Variants in KLHL30 observed in about 807,000 individuals in gnomAD.
The protein encoded by KLHL30 is kelch like family member 30.
KLHL30 carries 55 observed loss-of-function variants against 55.0 expected under a neutral mutation model. That is an observed-to-expected ratio of 1.00 (90% confidence interval 0.80 to 1.25). The LOEUF (loss-of-function observed/expected upper bound fraction) is 1.25, where lower values mean the gene tolerates loss of function less well. Ranked by LOEUF, KLHL30 falls within the 50% of genes most tolerant of loss-of-function variation. The pLI is 0.00. For synonymous variants in KLHL30, 356 were observed against 372.6 expected (o/e 0.96, Z 0.51); for missense variants, 786 against 811.6 (o/e 0.97, Z 0.38).
chr2:238,145,344 G>T (rs1692627976), intron 4 of KLHL30, among the ~76,000 whole-genome samples: 1 of 152,092 alleles, frequency 6.6e-6, no homozygotes, highest in Admixed American at 6.5e-5. Context: ...GGTTGACCAG[G>T]TGTCTGTCTT....
At position 238,151,417 on chromosome 2, in the gene KLHL30, CAGCAGGGGCTTTTGG is replaced by C; in HGVS notation, c.*358_*372del. The C allele has an allele frequency of 2.8e-6, 1 of 356,326 alleles. No homozygotes were observed. Among genetic ancestry groups the C allele is most frequent in the Admixed American group, 4.3e-5 (1 of 23,248 alleles). 22.1% of individuals were successfully genotyped at this position (356,326 alleles called of 1,614,324 possible). A position where few individuals can be genotyped will look rare whatever the true frequency, so the allele number is the denominator to read the frequency against. ...GAGCCCCACTCCTGCCCCTGGACCC[CAGCAGGGGCTTTTGG>C]AGCAGTTGCATGAATGTGGGGTGAA... On this transcript the variant is annotated 3_prime_UTR_variant, in exon 8 of 8. Transcript: ENST00000409223.
chr2:238,141,762 G>T (rs1373759945), intron 2 of KLHL30, among the ~76,000 whole-genome samples: 1 of 152,258 alleles, frequency 6.6e-6, no homozygotes, highest in Non-Finnish European at 1.5e-5. Flanking sequence ...ATGTGGAAGT[G>T]GTAAGATCTG....
At chr2:238,140,117 CCTT>C (rs762091292) in intron 1 of KLHL30, among the ~76,000 whole-genome samples, 23 of 152,352 alleles carry the variant, frequency 1.5e-4, no homozygotes, top group Admixed American at 2.6e-4. Context: ...GTGACTGAAA[CCTT>C]CTGTGCCTCA....
chr2:238,152,157 C>G lies in KLHL30; in HGVS notation c.*1092C>G. 1 of 985,456 alleles carries G rather than the reference C, an allele frequency of 1.0e-6. No individual in the cohort carries two copies. Among genetic ancestry groups the G allele is most frequent in the Non-Finnish European group, 1.2e-6 (1 of 829,984 alleles). 61.0% of individuals were successfully genotyped at this position (985,456 alleles called of 1,614,324 possible). A position where few individuals can be genotyped will look rare whatever the true frequency, so the allele number is the denominator to read the frequency against. ...GCCAGGCACAGGCCCTGGTGTTGCCCCAGAGGCCCTGGGCAGCTCCGGTCT... is the reference window on the plus strand; with the variant it reads ...GCCAGGCACAGGCCCTGGTGTTGCCGCAGAGGCCCTGGGCAGCTCCGGTCT... On this transcript the variant is annotated 3_prime_UTR_variant, in exon 8 of 8. Transcript: ENST00000409223.
In KLHL30 at chr2:238,151,947, T is replaced by G. The variant is rs1186077358; in HGVS notation, c.*882T>G. On this transcript the variant is annotated 3_prime_UTR_variant, in exon 8 of 8. Transcript: ENST00000409223. ...TGAGGGGTAGCATCCGATGGGCCCC[T>G]GCCAGCATGCAGCCCGACTCCGGCT... 1 of 985,370 alleles carries G rather than the reference T, an allele frequency of 1.0e-6. No homozygotes were observed. The highest frequency in any genetic ancestry group is 1.7e-5 in the African/African-American group (1 of 57,236). 61.0% of individuals were successfully genotyped at this position (985,370 alleles called of 1,614,324 possible). A position where few individuals can be genotyped will look rare whatever the true frequency, so the allele number is the denominator to read the frequency against.
rs1692767718 is a variant in KLHL30 at position 238,152,156 on chromosome 2, C to T, written c.*1091C>T. On this transcript the variant is annotated 3_prime_UTR_variant, in exon 8 of 8. Transcript: ENST00000409223. ...GGCCAGGCACAGGCCCTGGTGTTGC[C>T]CCAGAGGCCCTGGGCAGCTCCGGTC... is the stretch of plus-strand genomic sequence containing the variant. 1.0e-5 allele frequency: 10 copies of T among 985,460 alleles called. No individual in the cohort carries two copies. The South Asian group carries it at 2.8e-4, about 28-fold the overall frequency. 61.0% of individuals were successfully genotyped at this position (985,460 alleles called of 1,614,324 possible).
At position 238,141,396 on chromosome 2, in the gene KLHL30, C is replaced by T. The variant is rs1367326287; in HGVS notation, c.642C>T (p.His214=). The T allele has an allele frequency of 6.9e-6, 11 of 1,585,444 alleles. No individual in the cohort carries two copies. Among genetic ancestry groups the T allele is most frequent in the Non-Finnish European group, 8.5e-7 (1 of 1,171,704 alleles). The change falls in exon 2 of 8, where the codon CAC becomes CAT. Residue 214 remains histidine (H), a synonymous_variant. Coordinates refer to ENST00000409223, the MANE Select transcript of KLHL30 (RefSeq NM_198582.4). ...ATGACCCGCAGGCCCGGGCCGCCCA[C>T]CTGCCCGAGCTGCTCAGCCTAGTGC... ...VRHDPQARAA[H]LPELLSLVHL... is the part of the protein sequence containing the mutation.
intron 7 of KLHL30, among the ~76,000 whole-genome samples, chr2:238,150,499 AGCCTCAGTGAG>A (rs1692734006): frequency 6.6e-6 from 1 of 152,180 alleles, no homozygotes. Context: ...GAGACAGCGA[AGCCTCAGTGAG>A]GCCTCGAGTC....
rs1200369408 is a variant in KLHL30 at position 238,140,854 on chromosome 2, G to T, written c.100G>T (p.Asp34Tyr). The change falls in exon 2 of 8, where the codon GAC becomes TAC. Residue 34 changes from aspartate (D) to tyrosine (Y), a missense_variant. Transcript: ENST00000409223. ...CCTGCGCTCTCAGCCCAAGCTGGCCGACGTCACACTGCTGGTGGGCGGCCG... is the reference window on the plus strand; with the variant it reads ...CCTGCGCTCTCAGCCCAAGCTGGCCTACGTCACACTGCTGGTGGGCGGCCG... ...QRLRSQPKLA[D>Y]VTLLVGGREL... The T allele has an allele frequency of 1.9e-6, 3 of 1,610,638 alleles. No homozygotes were observed. The highest frequency in any genetic ancestry group is 2.5e-6 in the Non-Finnish European group (3 of 1,178,426).
chr2:238,145,378 T>C (rs908476821), intron 4 of KLHL30, among the ~76,000 whole-genome samples: 2 of 152,158 alleles, frequency 1.3e-5, no homozygotes, highest in African/African-American at 4.8e-5. Context: ...AGTCGTGTGT[T>C]GCAGGGGTCA....
In KLHL30 at chr2:238,142,825, G is replaced by A; in HGVS notation, c.801G>A (p.Leu267=). Residue 267 remains leucine, a synonymous_variant, in exon 3 of 8, where the codon CTG becomes CTA. Coordinates refer to ENST00000409223, the MANE Select transcript of KLHL30 (RefSeq NM_198582.4). The part of the protein sequence containing the change: ...DGAPLALQQK[L]EEVLVVVGGQ... The stretch of plus-strand genomic sequence containing the variant: ...CACCACTCGCCCTCCAGCAGAAGCT[G>A]GAGGAGGTCCTGGTGGTGGTGGGCG... 7.0e-7 allele frequency: 1 copy of A among 1,433,804 alleles called. No homozygotes were observed. The highest frequency in any genetic ancestry group is 9.1e-7 in the Non-Finnish European group (1 of 1,097,268). 88.8% of individuals were successfully genotyped at this position (1,433,804 alleles called of 1,614,324 possible).
chr2:238,147,508 A>G lies in KLHL30; in HGVS notation c.1151-326A>G, dbSNP rs1007713770. The stretch of plus-strand genomic sequence containing the variant: ...CCTCCATTCCAGTTCAGAGCACCCC[A>G]GGAAATGACTCCCAGCACATGAGGG... On this transcript the variant is annotated intron_variant, in intron 5 of 7. Transcript: ENST00000409223. The surrounding 1 kb of genome is among the most constrained non-coding windows in gnomAD (Gnocchi z 5.8). Among the ~76,000 whole-genome samples the G allele has an allele frequency of 2.6e-5, 4 of 152,124 alleles. No individual in the cohort carries two copies. The highest frequency in any genetic ancestry group is 9.7e-5 in the African/African-American group (4 of 41,426).
intron 1 of KLHL30, among the ~76,000 whole-genome samples, chr2:238,139,328 C>T (rs1692487635): frequency 6.6e-6 from 1 of 152,234 alleles, no homozygotes; most frequent in Non-Finnish European, 1.5e-5. Context: ...CCCAGCTCAT[C>T]TCCCGGCTGC....
chr2:238,142,144 G>A (rs1692554158), intron 2 of KLHL30, among the ~76,000 whole-genome samples: 1 of 152,226 alleles, frequency 6.6e-6, no homozygotes, highest in Non-Finnish European at 1.5e-5. Context: ...CAGCTGCCGG[G>A]CACCCTGCTC....
chr2:238,140,627 G>C, intron 1 of KLHL30, 58 bp from the exon 2 acceptor site: 1 of 949,120 alleles, frequency 1.1e-6, no homozygotes. Context: ...GACCGGGTGG[G>C]TTGCTCAGGA....
intron 3 of KLHL30, among the ~76,000 whole-genome samples, chr2:238,143,252 C>T (rs1441652898): frequency 2.0e-5 from 3 of 152,366 alleles, no homozygotes; most frequent in Admixed American, 6.5e-5. Flanking sequence ...GCGGCCTGGC[C>T]GCTGCCTCCT....
chr2:238,142,970 C>A, intron 3 of KLHL30, 39 bp downstream of exon 3: 1 of 1,495,776 alleles, frequency 6.7e-7, no homozygotes, highest in Non-Finnish European at 8.8e-7. Flanking sequence ...CCTGCTGTCT[C>A]TCTGTCCCAG....
intron 5 of KLHL30, 43 bp downstream of exon 5, chr2:238,145,875 C>A: frequency 2.0e-6 from 3 of 1,520,792 alleles, no homozygotes; most frequent in Non-Finnish European, 2.7e-6. Flanking sequence ...CTGGTTCTAG[C>A]CTCTCATCCC....
rs533519879 is a variant in KLHL30 at position 238,152,290 on chromosome 2, G to A, written c.*1225G>A. 6.2e-4 allele frequency: 561 copies of A among 899,866 alleles called. 1 individual carries two copies. In the African/African-American group the frequency reaches 7.3e-3, roughly 12 times the overall value. The allele number at this position is 899,866 out of a possible 1,614,324, so 55.7% of individuals were successfully genotyped here. ...TCTGACATCCTTGGGTTCTGAGGAC[G>A]GAAACCCCTGAGCCTCTTGAGCTTC... On this transcript the variant is annotated 3_prime_UTR_variant, in exon 8 of 8. Coordinates refer to ENST00000409223, the MANE Select transcript of KLHL30 (RefSeq NM_198582.4).
Sources: gnomAD v4.1 joint callset for allele counts (sites outside exome capture counted in the v4.1 genomes callset) on GRCh38, gnomAD v4.1.1 for gene constraint, Gnocchi (gnomAD v3.1) non-coding constraint, MANE v1.5 for transcripts, NCBI Gene and HGNC (gene_info 2026-07-23, HGNC 2026-07-21) for gene names.